RPL34: variants seen among roughly 807,000 people sequenced by gnomAD.
The protein encoded by RPL34 is ribosomal protein L34, also known as large ribosomal subunit protein eL34.
Under a neutral mutation model 16.3 loss-of-function variants are expected in RPL34, and 2 were observed. The observed-to-expected ratio is 0.12, with a 90% CI of 0.05 to 0.39. The LOEUF (loss-of-function observed/expected upper bound fraction) is 0.39, where lower values mean the gene tolerates loss of function less well. RPL34 is among the 10% of genes least tolerant of loss of function. The pLI is 0.99. For synonymous variants in RPL34, 47 were observed against 48.5 expected, an observed-to-expected ratio of 0.97 and a Z score of 0.13; for missense variants, 82 against 148.8, an observed-to-expected ratio of 0.55 and a Z score of 2.33.
At chr4:108,623,949 C>T (rs1468658308) in intron 4 of RPL34, among the ~76,000 whole-genome samples, 1 of 152,102 alleles carries the variant, frequency 6.6e-6, no homozygotes, top group East Asian at 1.9e-4. Context: ...GGACAAAAGG[C>T]AGAAAGGGCA....
At chr4:108,623,428 G>C (rs973103775) in intron 4 of RPL34, 1 of 152,058 alleles carries the variant, frequency 6.6e-6, no homozygotes, top group South Asian at 2.1e-4. Context: ...GATTGATTTT[G>C]AGATGGAGTC....
downstream of RPL34, among the ~76,000 whole-genome samples, chr4:108,626,477 G>T (rs1190700216): frequency 2.1e-5 from 3 of 140,112 alleles, no homozygotes; most frequent in African/African-American, 8.1e-5. Flanking sequence ...TTGAAATGGA[G>T]CCTTGCTCTT....
At chr4:108,627,163 C>T (rs1203162095), downstream of RPL34, among the ~76,000 whole-genome samples, 1 of 151,988 alleles carries the variant, frequency 6.6e-6, no homozygotes. Context: ...TGCTTGAACC[C>T]GGGAGGCAGA....
Position 108,622,680 on chromosome 4 carries a change from T to C in RPL34, c.269+62T>C, listed in dbSNP as rs1725836021. Reference sequence around the variant, plus strand: ...TTATTGTGTGTGTTATACTGTCTGCTGATCAGTACAATGGTGAAGCAACTC... The same window carrying C: ...TTATTGTGTGTGTTATACTGTCTGCCGATCAGTACAATGGTGAAGCAACTC... On this transcript the variant is annotated intron_variant, in intron 4 of 4. Transcript: ENST00000394667. 1.9e-5 allele frequency: 20 copies of C among 1,039,010 alleles called. No individual in the cohort carries two copies. In the East Asian group the frequency reaches 4.7e-4, roughly 25 times the overall value. 64.4% of individuals were successfully genotyped at this position (1,039,010 alleles called of 1,614,324 possible).
intron 2 of RPL34, 34 bp downstream of exon 2, chr4:108,622,058 T>G: frequency 1.3e-6 from 2 of 1,593,354 alleles, no homozygotes; most frequent in Non-Finnish European, 1.7e-6. Context: ...GTATATATTG[T>G]CATTTACTCT....
chr4:108,629,493 A>T (rs1253367202), downstream of RPL34, among the ~76,000 whole-genome samples: 1 of 152,222 alleles, frequency 6.6e-6, no homozygotes, highest in African/African-American at 2.4e-5. Context: ...ACGGGTGTGA[A>T]CATAGTAACG....
downstream of RPL34, among the ~76,000 whole-genome samples, chr4:108,628,164 A>G (rs1462971045): frequency 1.3e-5 from 2 of 152,236 alleles, no homozygotes; most frequent in Non-Finnish European, 2.9e-5. Context: ...AGCTTTCTCC[A>G]AACACCTGCC....
chr4:108,627,035 C>T (rs1042150053), downstream of RPL34, among the ~76,000 whole-genome samples: 5 of 152,014 alleles, frequency 3.3e-5, no homozygotes, highest in African/African-American at 7.2e-5. Context: ...GTCAGGAGAT[C>T]GAGACCATCC....
At chr4:108,622,245 A>G in intron 3 of RPL34, 41 bp downstream of exon 3, 1 of 1,374,946 alleles carries the variant, frequency 7.3e-7, no homozygotes, top group Non-Finnish European at 1.0e-6. Context: ...ACAAGTCTTG[A>G]ACTTACTGAG....
intron 1 of RPL34, 143 bp from the exon 2 acceptor site, chr4:108,621,808 T>TAA: frequency 1.6e-6 from 1 of 627,882 alleles, no homozygotes; most frequent in Admixed American, 2.7e-5. Context: ...CAAGTAGTTT[T>TAA]AAAATGTGGA....
At chr4:108,622,824 G>C (rs1191435167) in intron 4 of RPL34, 1 of 433,210 alleles carries the variant, frequency 2.3e-6, no homozygotes, top group African/African-American at 2.1e-5. Flanking sequence ...TAGATGTGGA[G>C]ATTAAAAGGA....
Position 108,620,595 on chromosome 4 carries a change from C to G in RPL34, c.-15C>G, listed in dbSNP as rs756451315. ...TTTCTTCCTCTTCCGGGGACGTTGT[C>G]TGCAGGTATGGATGTTGTTCTCTTT... On this transcript the variant is annotated 5_prime_UTR_variant, in exon 1 of 5. Transcript: ENST00000394667. 2.5e-5 allele frequency: 8 copies of G among 318,806 alleles called. No homozygotes were observed. The highest frequency in any genetic ancestry group is 8.2e-5 in the East Asian group (1 of 12,186). The allele number at this position is 318,806 out of a possible 1,614,324, so 19.7% of individuals were successfully genotyped here. A position where few individuals can be genotyped will look rare whatever the true frequency, so the allele number is the denominator to read the frequency against.
chr4:108,630,330 A>G (rs1003536303), downstream of RPL34: 1 of 152,156 alleles, frequency 6.6e-6, no homozygotes, highest in Non-Finnish European at 1.5e-5. Flanking sequence ...CTTGATTGTT[A>G]TTATAAGTAC....
In RPL34 at chr4:108,625,242, T is replaced by C; in HGVS notation, c.*30T>C. 2 of 1,385,234 alleles carry C rather than the reference T, an allele frequency of 1.4e-6. No individual in the cohort carries two copies. The highest frequency in any genetic ancestry group is 2.5e-5 in the South Asian group (2 of 80,834). 85.8% of individuals were successfully genotyped at this position (1,385,234 alleles called of 1,614,324 possible). On this transcript the variant is annotated 3_prime_UTR_variant, in exon 5 of 5. Transcript: ENST00000394667. ...ATGAAACTTTTTTGAGTAATAAAAA[T>C]GAAAAGACGCTGTATGTATGACTTT...
At chr4:108,630,310 T>A (rs1204580933), downstream of RPL34, 2 of 152,228 alleles carry the variant, frequency 1.3e-5, no homozygotes, top group Non-Finnish European at 2.9e-5. Flanking sequence ...TGGTACATGT[T>A]TGATAATGAC....
Position 108,625,270 on chromosome 4 carries a change from T to A in RPL34, c.*58T>A, listed in dbSNP as rs1725961446. On this transcript the variant is annotated 3_prime_UTR_variant, in exon 5 of 5. Coordinates refer to ENST00000394667, the MANE Select transcript of RPL34 (RefSeq NM_001319236.2). Reference sequence around the variant, plus strand: ...AAAGACGCTGTATGTATGACTTTTTTTTTTTCTGTTGTAATGTGTTAGTAT... The same window carrying A: ...AAAGACGCTGTATGTATGACTTTTTATTTTTCTGTTGTAATGTGTTAGTAT... 9.6e-7 allele frequency: 1 copy of A among 1,038,746 alleles called. No individual in the cohort carries two copies. Among genetic ancestry groups the A allele is most frequent in the African/African-American group, 1.6e-5 (1 of 61,782 alleles). 64.3% of individuals were successfully genotyped at this position (1,038,746 alleles called of 1,614,324 possible).
chr4:108,621,983 A>G lies in RPL34; in HGVS notation c.24A>G (p.Arg8=). ...GAATGGTCCAGCGTTTGACATACCGACGTAGGCTTTCCTACAATACAGCCT... is the reference window on the plus strand; with the variant it reads ...GAATGGTCCAGCGTTTGACATACCGGCGTAGGCTTTCCTACAATACAGCCT... MVQRLTY[R]RRLSYNTASN... Residue 8 remains arginine (R), a synonymous_variant, in exon 2 of 5, where the codon CGA becomes CGG. Transcript: ENST00000394667. 1.3e-6 allele frequency: 2 copies of G among 1,575,534 alleles called. No homozygotes were observed. Among genetic ancestry groups the G allele is most frequent in the Non-Finnish European group, 1.7e-6 (2 of 1,146,846 alleles).
At chr4:108,628,208 GAATT>G (rs1373752927), downstream of RPL34, among the ~76,000 whole-genome samples, 5 of 152,154 alleles carry the variant, frequency 3.3e-5, no homozygotes, top group Non-Finnish European at 5.9e-5. Flanking sequence ...CAGGATAATA[GAATT>G]AATTATCTTG....
At chr4:108,627,100 G>A (rs776693748), downstream of RPL34, among the ~76,000 whole-genome samples, 6 of 152,164 alleles carry the variant, frequency 3.9e-5, no homozygotes, top group Admixed American at 6.5e-5. Flanking sequence ...CTAGCTGGGC[G>A]TGGTGGTATG....
Sources: gnomAD v4.1 joint callset for allele counts (sites outside exome capture counted in the v4.1 genomes callset) on GRCh38, gnomAD v4.1.1 for gene constraint, MANE v1.5 for transcripts, NCBI Gene and HGNC (gene_info 2026-07-23, HGNC 2026-07-21) for gene names.